Variants in LAMA3 observed in about 807,000 individuals in gnomAD.
LAMA3 encodes the protein laminin subunit alpha-3.
A neutral mutation model predicts 402.0 loss-of-function variants in LAMA3; 281 were observed. The ratio of observed to expected loss-of-function variants is 0.70; its 90% CI spans 0.63 to 0.77. The LOEUF (loss-of-function observed/expected upper bound fraction) is 0.77, where lower values mean the gene tolerates loss of function less well. LAMA3 is among the 30% of genes least tolerant of loss of function. The pLI is 0.00. For missense variants in LAMA3, 3,840 were observed against 4,215.5 expected, an observed-to-expected ratio of 0.91 and a Z score of 2.47; for synonymous variants, 1,431 against 1,558.4, an observed-to-expected ratio of 0.92 and a Z score of 1.93.
At chr18:23,919,067 A>G (rs564959080) in intron 60 of LAMA3, among the ~76,000 whole-genome samples, 2 of 152,384 alleles carry the variant, frequency 1.3e-5, no homozygotes, top group African/African-American at 2.4e-5. Context: ...AATACTACTC[A>G]TATAATAAGA....
chr18:23,758,546 C>A, intron 7 of LAMA3, 35 bp downstream of exon 7: 1 of 1,351,628 alleles, frequency 7.4e-7, no homozygotes, highest in Non-Finnish European at 9.9e-7. Flanking sequence ...CCACACGTGG[C>A]CTTCTCCCCC....
At chr18:23,899,602 T>C (rs999283132) in intron 47 of LAMA3, 147 bp downstream of exon 47, 4 of 839,856 alleles carry the variant, frequency 4.8e-6, no homozygotes, top group South Asian at 2.9e-5. Context: ...GTGGTGAAAA[T>C]TGGTAGCCCC....
chr18:23,710,204 C>T (rs995303773), intron 1 of LAMA3: 1 of 665,508 alleles, frequency 1.5e-6, no homozygotes, highest in Non-Finnish European at 2.7e-6. Context: ...CACCTTTAAA[C>T]ACTGCCTTCT....
At chr18:23,819,689 A>G in intron 18 of LAMA3, 152 bp from the exon 19 acceptor site, 1 of 712,426 alleles carries the variant, frequency 1.4e-6, no homozygotes, top group Non-Finnish European at 2.5e-6. Flanking sequence ...AATAATTTGG[A>G]GAAAGAGCAG....
intron 27 of LAMA3, among the ~76,000 whole-genome samples, chr18:23,840,327 C>A (rs1351673912): frequency 6.6e-6 from 1 of 151,334 alleles, no homozygotes; most frequent in Non-Finnish European, 1.5e-5. Flanking sequence ...GTTTTCTTCC[C>A]AAGTTGGATC....
chr18:23,816,543 A>C (rs2063179335), intron 18 of LAMA3, 56 bp downstream of exon 18: 2 of 1,397,092 alleles, frequency 1.4e-6, no homozygotes, highest in Admixed American at 1.7e-5. Flanking sequence ...GGTCTTAGAC[A>C]TTCCTGCCTG....
chr18:23,816,427 G>C lies in LAMA3; in HGVS notation c.2087G>C (p.Cys696Ser). ...CDIGGALSSM[C>S]SGPSGVCQCR... The stretch of plus-strand genomic sequence containing the variant: ...ATTGGTGGGGCATTGTCCTCCATGT[G>C]CAGTGGGCCCTCGGGAGTGTGCCAG... Residue 696 changes from cysteine to serine, a missense_variant, in exon 18 of 75, where the codon TGC becomes TCC. Physicochemically the swap from Cys to Ser is moderately radical, Grantham distance 112. Coordinates refer to ENST00000313654, the MANE Select transcript of LAMA3 (RefSeq NM_198129.4). 1 of 1,614,084 alleles carries C rather than the reference G, an allele frequency of 6.2e-7. No individual in the cohort carries two copies. The highest frequency in any genetic ancestry group is 8.5e-7 in the Non-Finnish European group (1 of 1,180,008).
intron 10 of LAMA3, 66 bp downstream of exon 10, chr18:23,775,989 C>G: frequency 1.3e-6 from 2 of 1,553,008 alleles, no homozygotes; most frequent in East Asian, 4.5e-5. Context: ...GTGCACTAAC[C>G]TCTGAGGCAT....
intron 12 of LAMA3, among the ~76,000 whole-genome samples, chr18:23,788,006 C>A (rs1046767262): frequency 1.3e-4 from 20 of 151,744 alleles, no homozygotes; most frequent in African/African-American, 4.8e-4. Flanking sequence ...GGGCCTATAT[C>A]ATATAAAAAT....
At position 23,916,754 on chromosome 18, in the gene LAMA3, G is replaced by A. The variant is rs1424635137; in HGVS notation, c.7923+59G>A. ...TATATTCATTCTGTTTAGCAATTTG[G>A]AGATAACTGGGTTGTTATAAATGAC... On this transcript the variant is annotated intron_variant, in intron 60 of 74. Coordinates refer to ENST00000313654, the MANE Select transcript of LAMA3 (RefSeq NM_198129.4). 2.6e-6 allele frequency: 4 copies of A among 1,553,444 alleles called. No homozygotes were observed. In the African/African-American group the frequency reaches 4.1e-5, roughly 16 times the overall value.
intron 12 of LAMA3, among the ~76,000 whole-genome samples, chr18:23,808,483 A>G (rs889073820): frequency 6.6e-6 from 1 of 152,170 alleles, no homozygotes; most frequent in Non-Finnish European, 1.5e-5. Flanking sequence ...ATTTACCTCC[A>G]CCGTAACACC....
At chr18:23,718,875 C>T (rs2061159083) in intron 2 of LAMA3, among the ~76,000 whole-genome samples, 1 of 152,204 alleles carries the variant, frequency 6.6e-6, no homozygotes, top group Non-Finnish European at 1.5e-5. Context: ...GAGCAGCCTG[C>T]AAGCCCAGCA....
At chr18:23,862,033 A>C (rs765963927) in intron 35 of LAMA3, among the ~76,000 whole-genome samples, 13 of 152,362 alleles carry the variant, frequency 8.5e-5, no homozygotes, top group Non-Finnish European at 1.3e-4. Flanking sequence ...CCAGCAAAGG[A>C]AATCACCCAC....
Position 23,904,625 on chromosome 18 carries a change from C to A in LAMA3, c.6546C>A (p.Ile2182=), listed in dbSNP as rs1436261575. ...ATGCCGCCACCGCCTACGAGAACAT[C>A]CTCAATGCCATCAAAGCGGCCGAGG... The part of the protein sequence containing the change: ...AVDAATAYEN[I]LNAIKAAEDA... The change falls in exon 51 of 75, where the codon ATC becomes ATA. Residue 2182 remains isoleucine (I), a synonymous_variant. Coordinates refer to ENST00000313654, the MANE Select transcript of LAMA3 (RefSeq NM_198129.4). 5 of 1,613,714 alleles carry A rather than the reference C, an allele frequency of 3.1e-6. No homozygotes were observed. The highest frequency in any genetic ancestry group is 4.2e-6 in the Non-Finnish European group (5 of 1,179,966).
At chr18:23,920,681 AAAATCAT>A (rs542482003) in intron 60 of LAMA3, among the ~76,000 whole-genome samples, 376 of 152,344 alleles carry the variant, frequency 2.5e-3, no homozygotes, top group Admixed American at 4.0e-3. Flanking sequence ...CGCATGAAAC[AAAATCAT>A]GATCATAGCT....
intron 8 of LAMA3, among the ~76,000 whole-genome samples, chr18:23,765,089 A>G (rs2062047917): frequency 6.6e-6 from 1 of 152,220 alleles, no homozygotes; most frequent in African/African-American, 2.4e-5. Context: ...AAAACAGATC[A>G]GCATAGGGTG....
intron 55 of LAMA3, among the ~76,000 whole-genome samples, chr18:23,911,526 G>GT (rs1006053193): frequency 6.0e-5 from 9 of 151,066 alleles, no homozygotes; most frequent in Admixed American, 2.6e-4. Context: ...TGTCTACTTT[G>GT]TTTTTTTTAT....
intron 2 of LAMA3, among the ~76,000 whole-genome samples, chr18:23,740,680 A>C (rs2061546898): frequency 6.6e-6 from 1 of 152,142 alleles, no homozygotes; most frequent in Admixed American, 6.6e-5. Context: ...TGGGATGGAG[A>C]GTAGACATCT....
rs1377546071 is a variant in LAMA3 at position 23,921,552 on chromosome 18, A to G, written c.8144A>G (p.Tyr2715Cys). The change falls in exon 62 of 75, where the codon TAT becomes TGT. Residue 2715 changes from tyrosine to cysteine, a missense_variant. Coordinates refer to ENST00000313654, the MANE Select transcript of LAMA3 (RefSeq NM_198129.4). ...DGEVFDFSTY[Y>C]LGGIPIAIRE... is the part of the protein sequence containing the mutation. ...GAAGTATTTGATTTCAGCACATATT[A>G]TCTGGGAGGAATTCCAATTGCAATC... 1.2e-6 allele frequency: 2 copies of G among 1,613,864 alleles called. No individual in the cohort carries two copies. The highest frequency in any genetic ancestry group is 1.7e-5 in the Admixed American group (1 of 60,010).
Sources: allele counts gnomAD v4.1 joint callset (sites outside exome capture counted in the v4.1 genomes callset), GRCh38; gene constraint gnomAD v4.1.1; transcripts MANE v1.5; gene names NCBI Gene and HGNC (gene_info 2026-07-23, HGNC 2026-07-21).